The following UTP18 variants were observed in gnomAD, a reference collection of about 807,000 sequenced individuals.
The protein encoded by UTP18 is UTP18 small subunit processome component.
UTP18 carries 36 observed loss-of-function variants against 61.1 expected under a neutral mutation model. The ratio of observed to expected loss-of-function variants is 0.59; its 90% CI spans 0.45 to 0.78. The LOEUF (loss-of-function observed/expected upper bound fraction) is 0.78, where lower values mean the gene tolerates loss of function less well. UTP18 is among the 30% of genes least tolerant of loss of function. The pLI is 0.00. For synonymous variants in UTP18, 282 were observed against 251.1 expected (o/e 1.12, Z -1.16); for missense variants, 753 against 693.9 (o/e 1.09, Z -0.96).
intron 2 of UTP18, among the ~76,000 whole-genome samples, chr17:51,264,092 A>G (rs188508585): frequency 2.5e-4 from 37 of 149,900 alleles, no homozygotes; most frequent in African/African-American, 8.6e-4. Context: ...GCTGGAGTGC[A>G]GTGGTGCGAT....
chr17:51,278,664 T>A (rs1313761278), intron 7 of UTP18, among the ~76,000 whole-genome samples: 4 of 152,236 alleles, frequency 2.6e-5, no homozygotes, highest in African/African-American at 4.8e-5. Context: ...TGTAGGTGTT[T>A]CCAGTTGTAG....
intron 10 of UTP18, among the ~76,000 whole-genome samples, chr17:51,287,579 T>C (rs998682320): frequency 6.6e-6 from 1 of 152,080 alleles, no homozygotes; most frequent in Non-Finnish European, 1.5e-5. Flanking sequence ...GTGATGGTGT[T>C]AGAAGAGATA....
At chr17:51,291,019 CT>C (rs1309309015) in intron 11 of UTP18, among the ~76,000 whole-genome samples, 1 of 152,192 alleles carries the variant, frequency 6.6e-6, no homozygotes. Flanking sequence ...CGTCATGGAA[CT>C]TTCTACCCAT....
intron 4 of UTP18, among the ~76,000 whole-genome samples, chr17:51,269,839 TTGTGTGTG>T (rs58180688): frequency 8.7e-5 from 12 of 137,716 alleles, no homozygotes; most frequent in South Asian, 2.3e-4. Flanking sequence ...AAATAATGTA[TTGTGTGTG>T]TGTGTGTGTG....
chr17:51,268,761 A>G (rs2144400091), intron 3 of UTP18, 76 bp from the exon 4 acceptor site: 1 of 1,211,400 alleles, frequency 8.3e-7, no homozygotes, highest in Non-Finnish European at 1.2e-6. Flanking sequence ...GATTCAACGT[A>G]TATGCTTTAA....
At chr17:51,272,270 TG>T in intron 4 of UTP18, among the ~76,000 whole-genome samples, 1 of 152,200 alleles carries the variant, frequency 6.6e-6, no homozygotes, top group South Asian at 2.1e-4. Flanking sequence ...AGTTAATTTT[TG>T]TATTTTTAGT....
At chr17:51,265,730 AT>A (rs1207607989) in intron 2 of UTP18, among the ~76,000 whole-genome samples, 1 of 150,590 alleles carries the variant, frequency 6.6e-6, no homozygotes, top group Non-Finnish European at 1.5e-5. Context: ...CGCCCAGCTA[AT>A]TTCTGTATTT....
intron 5 of UTP18, 129 bp downstream of exon 5, chr17:51,273,579 G>T: frequency 6.7e-6 from 4 of 597,268 alleles, no homozygotes; most frequent in South Asian, 2.8e-5. Flanking sequence ...ATTTTGCCCT[G>T]GTAAATACTT....
At chr17:51,276,068 C>A in intron 6 of UTP18, 77 bp downstream of exon 6, 1 of 1,382,662 alleles carries the variant, frequency 7.2e-7, no homozygotes, top group African/African-American at 1.5e-5. Flanking sequence ...ACCCCAAATG[C>A]AAAAATACTG....
chr17:51,273,224 C>A, intron 4 of UTP18, 138 bp from the exon 5 acceptor site: 1 of 442,956 alleles, frequency 2.3e-6, no homozygotes. Context: ...TTGCCAGTTG[C>A]AGCTTTAAAA....
intron 4 of UTP18, among the ~76,000 whole-genome samples, chr17:51,269,294 CAAAAAAAAAAAAAAAAAAAAAA>C (rs58681434): frequency 3.0e-5 from 2 of 66,666 alleles, no homozygotes; most frequent in East Asian, 1.1e-3. Context: ...GACTCTGTCT[CAAAAAAAAAAAAAAAAAAAAAA>C]AAAAAAAAAA....
At chr17:51,285,083 GA>G (rs1905061798) in intron 9 of UTP18, among the ~76,000 whole-genome samples, 161 bp from the exon 10 acceptor site, 1 of 150,984 alleles carries the variant, frequency 6.6e-6, no homozygotes, top group South Asian at 2.1e-4. Flanking sequence ...AAGGAAAAAA[GA>G]AAAGAAATAT....
intron 9 of UTP18, among the ~76,000 whole-genome samples, chr17:51,281,158 A>AT (rs1412809508): frequency 4.3e-4 from 40 of 93,000 alleles, no homozygotes; most frequent in African/African-American, 1.8e-3. Context: ...ATATATATAT[A>AT]TATATATTTT....
rs749415209 is a variant in UTP18, at chr17:51,293,953, T to A, written c.1554T>A (p.Asn518Lys). 14 of 1,606,174 alleles carry A rather than the reference T, an allele frequency of 8.7e-6. No individual in the cohort carries two copies. The highest frequency in any genetic ancestry group is 1.2e-5 in the Non-Finnish European group (14 of 1,176,252). ...TTTCAAACTTCCCAGTCATTAAAAA[T>A]AAGAATATTTCTCATGTTCATACCA... ...TVFSNFPVIKNKNISHVHTMD... is the reference protein window; with the variant it reads ...TVFSNFPVIKKKNISHVHTMD... The change falls in exon 12 of 14, where the codon AAT (asparagine) becomes AAA (lysine). Residue 518 changes from asparagine to lysine, a missense_variant. By Grantham distance (94) the Asn-to-Lys change is moderately conservative. Transcript: ENST00000225298.
At chr17:51,276,721 T>G (rs16949746) in intron 6 of UTP18, among the ~76,000 whole-genome samples, 3,514 of 152,302 alleles carry the variant, frequency 0.023, 60 homozygotes, top group Non-Finnish European at 0.031. Context: ...TGCTCTTGGA[T>G]AGGGTATCCC....
At chr17:51,287,123 C>A (rs1278970406) in intron 10 of UTP18, among the ~76,000 whole-genome samples, 3 of 152,078 alleles carry the variant, frequency 2.0e-5, no homozygotes, top group Non-Finnish European at 4.4e-5. Context: ...AGCCAGTCTT[C>A]ATTGCCCTCT....
At chr17:51,265,735 T>C (rs1213616305) in intron 2 of UTP18, among the ~76,000 whole-genome samples, 3 of 151,996 alleles carry the variant, frequency 2.0e-5, no homozygotes, top group African/African-American at 7.3e-5. Flanking sequence ...AGCTAATTTC[T>C]GTATTTTTAG....
At chr17:51,261,432 G>T (rs1034669696) in intron 1 of UTP18, among the ~76,000 whole-genome samples, 9 of 152,184 alleles carry the variant, frequency 5.9e-5, no homozygotes, top group African/African-American at 2.2e-4. Flanking sequence ...GAACCTGTTA[G>T]TTGCCAGATA....
At chr17:51,268,953 G>C (rs747532121) in intron 4 of UTP18, 49 bp downstream of exon 4, 1 of 1,564,244 alleles carries the variant, frequency 6.4e-7, no homozygotes, top group Non-Finnish European at 8.8e-7. Context: ...CCCTGTTCCT[G>C]TTCGTTATTA....
Sources: gnomAD v4.1 joint callset for allele counts (sites outside exome capture counted in the v4.1 genomes callset) on GRCh38, gnomAD v4.1.1 for gene constraint, MANE v1.5 for transcripts, NCBI Gene and HGNC (gene_info 2026-07-23, HGNC 2026-07-21) for gene names.